The following HNMT variants were observed in gnomAD, a reference collection of about 807,000 sequenced individuals.
The protein encoded by HNMT is histamine N-methyltransferase.
HNMT carries 30 observed loss-of-function variants against 32.1 expected under a neutral mutation model. That is an observed-to-expected ratio of 0.93 (90% CI 0.70 to 1.27). HNMT has a LOEUF of 1.27. HNMT is among the 50% of genes most tolerant of loss of function. The pLI is 0.00. For synonymous variants in HNMT, 125 were observed against 119.0 expected (o/e 1.05, Z -0.33); for missense variants, 327 against 346.0 (o/e 0.95, Z 0.43).
At chr2:137,992,787 T>G (rs1420934291) in intron 2 of HNMT, among the ~76,000 whole-genome samples, 3 of 152,148 alleles carry the variant, frequency 2.0e-5, no homozygotes, top group Admixed American at 1.3e-4. Flanking sequence ...CCTACTGGCA[T>G]CAGGCTGGTG....
At chr2:137,995,374 A>G (rs1450736455) in intron 2 of HNMT, among the ~76,000 whole-genome samples, 1 of 152,222 alleles carries the variant, frequency 6.6e-6, no homozygotes, top group Non-Finnish European at 1.5e-5. Flanking sequence ...ACCATCAGAG[A>G]ATACTATAAA....
intron 2 of HNMT, among the ~76,000 whole-genome samples, chr2:137,973,922 T>G (rs571671739): frequency 3.1e-4 from 47 of 152,216 alleles, no homozygotes; most frequent in Middle Eastern, 3.4e-3. Flanking sequence ...GTGAGGTTTT[T>G]GCAAAGGTGC....
chr2:137,980,278 C>A (rs758850715), intron 2 of HNMT, among the ~76,000 whole-genome samples: 1 of 152,148 alleles, frequency 6.6e-6, no homozygotes, highest in Non-Finnish European at 1.5e-5. Flanking sequence ...ACCTCATGAT[C>A]CTCCCATCTC....
intron 2 of HNMT, among the ~76,000 whole-genome samples, chr2:137,999,966 G>A (rs955129917): frequency 2.7e-5 from 4 of 150,578 alleles, no homozygotes; most frequent in Non-Finnish European, 5.9e-5. Flanking sequence ...GCCCAAAGTC[G>A]TATACACCGA....
At chr2:138,007,142 T>C (rs1200080444) in intron 5 of HNMT, among the ~76,000 whole-genome samples, 3 of 151,960 alleles carry the variant, frequency 2.0e-5, no homozygotes, top group Admixed American at 2.0e-4. Context: ...CCATATCACT[T>C]CTTCTGAGAA....
rs1681639387 is a variant in HNMT, at chr2:138,015,612, T to C, written c.*1482T>C. On this transcript the variant is annotated 3_prime_UTR_variant, in exon 6 of 6. Coordinates refer to ENST00000280097, the MANE Select transcript of HNMT (RefSeq NM_006895.3). ...TTTTTGAATTATATGTTTCAACAAA[T>C]GAAACGACAGTTATCCAATCAGATT... 2 of 152,256 alleles carry C rather than the reference T, an allele frequency of 1.3e-5. No individual in the cohort carries two copies. Among genetic ancestry groups the C allele is most frequent in the Non-Finnish European group, 2.9e-5 (2 of 68,002 alleles). The allele number at this position is 152,256 out of a possible 1,614,324, so 9.4% of individuals were successfully genotyped here.
chr2:137,968,742 C>T (rs1680033450), intron 1 of HNMT, among the ~76,000 whole-genome samples: 1 of 152,082 alleles, frequency 6.6e-6, no homozygotes. Context: ...TTGAAGAAGG[C>T]AAATCATTTA....
intron 2 of HNMT, among the ~76,000 whole-genome samples, chr2:137,989,349 T>C (rs1213500865): frequency 2.0e-5 from 3 of 152,218 alleles, no homozygotes; most frequent in African/African-American, 7.2e-5. Flanking sequence ...TCATATTGGC[T>C]CCGTTCAGAT....
intron 1 of HNMT, among the ~76,000 whole-genome samples, chr2:137,969,873 C>T (rs938499212): frequency 6.6e-6 from 1 of 152,178 alleles, no homozygotes; most frequent in Non-Finnish European, 1.5e-5. Flanking sequence ...CAAAACTCCA[C>T]TTTTTCTGTT....
chr2:137,980,246 C>G (rs531030790), intron 2 of HNMT, among the ~76,000 whole-genome samples: 17 of 152,230 alleles, frequency 1.1e-4, no homozygotes, highest in African/African-American at 4.1e-4. Context: ...ACTGTGTTAG[C>G]CAGGATGGTC....
intron 2 of HNMT, chr2:137,981,229 G>C: frequency 6.2e-7 from 1 of 1,613,212 alleles, no homozygotes. Context: ...GTCTCATTCG[G>C]GGAAGCTCCA....
At chr2:138,012,339 C>T (rs954511087) in intron 5 of HNMT, among the ~76,000 whole-genome samples, 2 of 152,110 alleles carry the variant, frequency 1.3e-5, no homozygotes, top group African/African-American at 4.8e-5. Context: ...CAGCTCATGT[C>T]TGTCTCCCTC....
rs756842430 is a variant in HNMT, at chr2:137,991,172, T to C, written c.191-9746T>C. The stretch of plus-strand genomic sequence containing the variant: ...TGAGAGAAGGTACACAGAGCTTTCA[T>C]GCTCTGCCTGGATATGCCACCTGCC... On this transcript the variant is annotated intron_variant, in intron 2 of 5. Transcript: ENST00000280097. Among the ~76,000 whole-genome samples the C allele has an allele frequency of 3.2e-4, 48 of 152,348 alleles. 1 individual carries two copies. Among genetic ancestry groups the C allele is most frequent in the Non-Finnish European group, 4.0e-4 (27 of 68,034 alleles).
At chr2:138,012,181 C>CA (rs1301538841) in intron 5 of HNMT, among the ~76,000 whole-genome samples, 1 of 152,030 alleles carries the variant, frequency 6.6e-6, no homozygotes, top group Non-Finnish European at 1.5e-5. Flanking sequence ...TACCATTACG[C>CA]AATAATTCAC....
chr2:138,015,661 T>C lies in HNMT; in HGVS notation c.*1531T>C, dbSNP rs1681640790. ...TTCCTGAAAATGAACACTGAACCGTTAATCATACTGATATGTACTACTGAC... is the reference window on the plus strand; with the variant it reads ...TTCCTGAAAATGAACACTGAACCGTCAATCATACTGATATGTACTACTGAC... On this transcript the variant is annotated 3_prime_UTR_variant, in exon 6 of 6. Transcript: ENST00000280097. 6.6e-6 allele frequency: 1 copy of C among 152,158 alleles called. No individual in the cohort carries two copies. The highest frequency in any genetic ancestry group is 2.4e-5 in the African/African-American group (1 of 41,450). 9.4% of individuals were successfully genotyped at this position (152,158 alleles called of 1,614,324 possible).
chr2:137,964,689 A>G (rs1338698924), intron 1 of HNMT, 61 bp downstream of exon 1: 5 of 1,559,514 alleles, frequency 3.2e-6, no homozygotes, highest in Non-Finnish European at 4.4e-6. Context: ...CGTCAGTGAT[A>G]GATGGGTCTC....
At position 138,000,148 on chromosome 2, in the gene HNMT, T is replaced by C. The variant is rs73961917; in HGVS notation, c.191-770T>C. ...TGCTAGTAGTTCCAAATATACTCTT[T>C]TATTTTCTGTGTGTGCATCTGTCAT... is the stretch of plus-strand genomic sequence containing the variant. On this transcript the variant is annotated intron_variant, in intron 2 of 5. Transcript: ENST00000280097. Among the ~76,000 whole-genome samples the C allele has an allele frequency of 9.9e-3, 1,508 of 152,244 alleles. 28 individuals carry two copies. Among genetic ancestry groups the C allele is most frequent in the African/African-American group, 0.035 (1,453 of 41,532 alleles).
At chr2:138,003,114 C>A (rs7606295) in intron 4 of HNMT, among the ~76,000 whole-genome samples, 1 of 128,340 alleles carries the variant, frequency 7.8e-6, no homozygotes, top group Admixed American at 8.3e-5. Context: ...GGGATAGCAT[C>A]GGGAGATATA....
chr2:137,968,763 C>T (rs889960023), intron 1 of HNMT, among the ~76,000 whole-genome samples: 6 of 152,118 alleles, frequency 3.9e-5, no homozygotes, highest in Non-Finnish European at 8.8e-5. Context: ...TAGGTGTTCT[C>T]GACCCTAGAC....
Sources: allele counts gnomAD v4.1 joint callset (sites outside exome capture counted in the v4.1 genomes callset), GRCh38; gene constraint gnomAD v4.1.1; transcripts MANE v1.5; gene names NCBI Gene and HGNC (gene_info 2026-07-23, HGNC 2026-07-21).